Variants in CHEK1 observed in about 807,000 individuals in gnomAD.
CHEK1 encodes the protein checkpoint kinase 1, also known as serine/threonine-protein kinase Chk1.
A neutral mutation model predicts 60.2 loss-of-function variants in CHEK1; 32 were observed. That is an observed-to-expected ratio of 0.53 (90% CI 0.40 to 0.71). The LOEUF (loss-of-function observed/expected upper bound fraction) is 0.71, where lower values mean the gene tolerates loss of function less well. CHEK1 is among the 30% of genes least tolerant of loss of function. CHEK1 has a pLI of 0.00. For synonymous variants in CHEK1, 179 were observed against 187.2 expected (o/e 0.96, Z 0.36); for missense variants, 399 against 564.6 (o/e 0.71, Z 2.97).
intron 13 of CHEK1, among the ~76,000 whole-genome samples, chr11:125,673,212 C>CTTTTCTTT (rs2134104794): frequency 7.9e-6 from 1 of 126,882 alleles, no homozygotes; most frequent in African/African-American, 3.1e-5. Flanking sequence ...CTTTTCTTTT[C>CTTTTCTTT]TTTTTTTTTT....
rs1420413268 is a variant in CHEK1, at chr11:125,665,793, C to G, written c.*28-10135C>G. On this transcript the variant is annotated intron_variant, in intron 13 of 13. Transcript: ENST00000428830. ...AGTGTTCATGATAGTCTCTAATGAT[C>G]TTTTGTGTTTCTGTGGTACCAGTTG... Among the ~76,000 whole-genome samples, 11 of 143,676 alleles carry G rather than the reference C, an allele frequency of 7.7e-5. No individual in the cohort carries two copies. The Admixed American group carries it at 7.7e-4, about 10-fold the overall frequency. The allele number at this position is 143,676 out of a possible 152,430, so 94.3% of individuals were successfully genotyped here.
At chr11:125,645,651 T>G (rs1245252901) in intron 11 of CHEK1, among the ~76,000 whole-genome samples, 1 of 152,154 alleles carries the variant, frequency 6.6e-6, no homozygotes, top group Non-Finnish European at 1.5e-5. Context: ...ATACTGTGGT[T>G]TGTAGGAGAA....
At chr11:125,650,985 G>A (rs1005958469) in intron 11 of CHEK1, among the ~76,000 whole-genome samples, 1 of 152,126 alleles carries the variant, frequency 6.6e-6, no homozygotes, top group African/African-American at 2.4e-5. Flanking sequence ...TAGGGCACAT[G>A]TAGAGCTTAG....
intron 13 of CHEK1, among the ~76,000 whole-genome samples, chr11:125,669,522 C>CTTTTTTT (rs67333022): frequency 1.3e-4 from 15 of 114,682 alleles, no homozygotes; most frequent in East Asian, 5.2e-4. Flanking sequence ...TTCTTTTTTC[C>CTTTTTTT]TTTTTTTTTT....
chr11:125,640,415 C>T (rs1941244717), intron 8 of CHEK1, among the ~76,000 whole-genome samples: 1 of 151,946 alleles, frequency 6.6e-6, no homozygotes, highest in Admixed American at 6.5e-5. Flanking sequence ...GTGGCGGTCG[C>T]CTGTAGTCCC....
At chr11:125,633,920 T>C (rs1940961485) in intron 6 of CHEK1, among the ~76,000 whole-genome samples, 1 of 151,886 alleles carries the variant, frequency 6.6e-6, no homozygotes, top group Non-Finnish European at 1.5e-5. Flanking sequence ...GAGGGCCCTC[T>C]TCCTGATTTG....
downstream of CHEK1, among the ~76,000 whole-genome samples, chr11:125,661,385 C>T (rs1384491555): frequency 6.6e-6 from 1 of 152,080 alleles, no homozygotes; most frequent in African/African-American, 2.4e-5. Flanking sequence ...CATCTCAGCT[C>T]ACTGCCACCT....
downstream of CHEK1, among the ~76,000 whole-genome samples, chr11:125,658,829 G>C (rs987490377): frequency 1.2e-4 from 18 of 151,322 alleles, no homozygotes; most frequent in East Asian, 3.5e-3. Flanking sequence ...TGGGACTATA[G>C]CCATGCACCA....
At chr11:125,650,459 T>TTTG (rs1491580260) in intron 11 of CHEK1, among the ~76,000 whole-genome samples, 7 of 45,684 alleles carry the variant, frequency 1.5e-4, no homozygotes, top group South Asian at 1.3e-3. Context: ...GTGGTGTTTG[T>TTTG]TTTTTTTTTT....
rs2135989549 is a variant in CHEK1 at position 125,633,144 on chromosome 11, T to C, written c.425-19T>C. 6.5e-7 allele frequency: 1 copy of C among 1,549,510 alleles called. No homozygotes were observed. The highest frequency in any genetic ancestry group is 1.3e-5 in the South Asian group (1 of 77,334). ...CAAAACATTTTTATTCAGTGTCATC[T>C]TTTTTTCTTTTGGTTTAGATAACCT... On this transcript the variant is annotated intron_variant, in intron 5 of 12. Transcript: ENST00000438015.
At chr11:125,627,908 C>G in intron 3 of CHEK1, 78 bp downstream of exon 3, 1 of 1,158,460 alleles carries the variant, frequency 8.6e-7, no homozygotes, top group East Asian at 2.6e-5. Flanking sequence ...GCTATTTGGT[C>G]GTTGTCCTTT....
downstream of CHEK1, among the ~76,000 whole-genome samples, chr11:125,658,745 A>G (rs1033421583): frequency 4.8e-5 from 6 of 124,978 alleles, no homozygotes; most frequent in African/African-American, 1.5e-4. Context: ...GCTGGAGTGC[A>G]GTGGCACAAT....
chr11:125,634,602 T>C (rs1159566205), intron 6 of CHEK1, among the ~76,000 whole-genome samples: 1 of 151,910 alleles, frequency 6.6e-6, no homozygotes, highest in African/African-American at 2.4e-5. Context: ...TGGGATTATA[T>C]AATTAGTGCC....
intron 6 of CHEK1, among the ~76,000 whole-genome samples, chr11:125,634,924 A>C (rs558625004): frequency 1.3e-5 from 2 of 152,130 alleles, no homozygotes; most frequent in East Asian, 3.9e-4. Flanking sequence ...CATTTGTGAA[A>C]ACAAGACTAG....
downstream of CHEK1, among the ~76,000 whole-genome samples, chr11:125,659,388 T>C (rs556701100): frequency 4.6e-5 from 7 of 152,248 alleles, no homozygotes; most frequent in South Asian, 2.1e-4. Flanking sequence ...TTCAGATCTT[T>C]CTTCTATTTT....
chr11:125,659,495 A>G (rs1407056812), downstream of CHEK1, among the ~76,000 whole-genome samples: 6 of 152,038 alleles, frequency 3.9e-5, no homozygotes, highest in Admixed American at 3.9e-4. Flanking sequence ...ATTTTTCTTC[A>G]TGCCACAAAT....
At chr11:125,633,089 A>C (rs1413253090) in intron 5 of CHEK1, 74 bp from the exon 6 acceptor site, 28 of 1,370,902 alleles carry the variant, frequency 2.0e-5, no homozygotes, top group Non-Finnish European at 2.6e-5. Context: ...TTTTTCAGTA[A>C]AACTTAATTC....
At chr11:125,631,473 A>G (rs1400665152) in intron 5 of CHEK1, among the ~76,000 whole-genome samples, 1 of 152,154 alleles carries the variant, frequency 6.6e-6, no homozygotes, top group Admixed American at 6.5e-5. Flanking sequence ...AGTCCAAGGA[A>G]TACTATAGTT....
At chr11:125,652,573 A>G (rs1350950804) in intron 11 of CHEK1, among the ~76,000 whole-genome samples, 1 of 152,058 alleles carries the variant, frequency 6.6e-6, no homozygotes, top group Non-Finnish European at 1.5e-5. Flanking sequence ...TAGGAGCTGC[A>G]CCCCTGTTGA....
Sources: allele counts gnomAD v4.1 joint callset (sites outside exome capture counted in the v4.1 genomes callset), GRCh38; gene constraint gnomAD v4.1.1; transcripts MANE v1.5; gene names NCBI Gene and HGNC (gene_info 2026-07-23, HGNC 2026-07-21).